ZNF430: variants seen among roughly 807,000 people sequenced by gnomAD.
ZNF430 encodes the protein zinc finger protein 430.
A neutral mutation model predicts 56.7 loss-of-function variants in ZNF430; 35 were observed. The observed-to-expected ratio is 0.62, with a 90% CI of 0.47 to 0.82. The LOEUF (loss-of-function observed/expected upper bound fraction) is 0.82, where lower values mean the gene tolerates loss of function less well. Ranked by LOEUF, ZNF430 falls within the 40% of genes least tolerant of loss-of-function variation. ZNF430 has a pLI of 0.00. For missense variants in ZNF430, 574 were observed against 661.0 expected (o/e 0.87, Z 1.44); for synonymous variants, 212 against 224.3 (o/e 0.94, Z 0.49).
chr19:21,056,712 A>T lies in ZNF430; in HGVS notation c.404A>T (p.Tyr135Phe). Residue 135 changes from tyrosine to phenylalanine, a missense_variant, in exon 5 of 5, where the codon TAT (tyrosine) becomes TTT (phenylalanine). Tyr to Phe is a conservative substitution (Grantham distance 22). This residue lies in a region of ZNF430 where 346 missense variants were observed against 399.1 expected (regional missense o/e 0.87). Coordinates refer to ENST00000261560, the MANE Select transcript of ZNF430 (RefSeq NM_025189.4). ...TTCCAAGAAGTCATATTGAGAAGATATGGAAAATGTGGACATGAAGATTTA... is the reference window on the plus strand; with the variant it reads ...TTCCAAGAAGTCATATTGAGAAGATTTGGAAAATGTGGACATGAAGATTTA... Reference protein sequence around the residue: ...DSFQEVILRRYGKCGHEDLQL... With the variant: ...DSFQEVILRRFGKCGHEDLQL... 1 of 1,609,454 alleles carries T rather than the reference A, an allele frequency of 6.2e-7. No individual in the cohort carries two copies. Among genetic ancestry groups the T allele is most frequent in the Non-Finnish European group, 8.5e-7 (1 of 1,177,574 alleles).
chr19:21,023,703 A>G (rs556190045), intron 2 of ZNF430, among the ~76,000 whole-genome samples: 13 of 152,262 alleles, frequency 8.5e-5, no homozygotes, highest in Admixed American at 7.8e-4. Flanking sequence ...TGAGTTACAT[A>G]CATTCATGAA....
rs1187644278 is a variant in ZNF430 at position 21,057,087 on chromosome 19, C to T, written c.779C>T (p.Pro260Leu). The T allele has an allele frequency of 1.2e-6, 2 of 1,614,052 alleles. No individual in the cohort carries two copies. Among genetic ancestry groups the T allele is most frequent in the Non-Finnish European group, 1.7e-6 (2 of 1,179,974 alleles). The stretch of plus-strand genomic sequence containing the variant: ...AGAAGAATTCATACTGGAGAGAAAC[C>T]CTACAAATGTGAACAATGTGGCAAA... ...RHRRIHTGEK[P>L]YKCEQCGKAF... Residue 260 changes from proline (P) to leucine (L), a missense_variant, in exon 5 of 5, where the codon CCC becomes CTC. This residue lies in a region of ZNF430 where 346 missense variants were observed against 399.1 expected (regional missense o/e 0.87). Coordinates refer to ENST00000261560, the MANE Select transcript of ZNF430 (RefSeq NM_025189.4).
chr19:21,047,147 G>A lies in ZNF430; in HGVS notation c.323-9484G>A, dbSNP rs545093884. ...CTCAGTTATTGATACTTGTGGTTGC[G>A]TTGTGAAGTTCTGATGCTGTGTTTT... On this transcript the variant is annotated intron_variant, in intron 4 of 4. Transcript: ENST00000261560. Among the ~76,000 whole-genome samples the A allele has an allele frequency of 1.6e-4, 24 of 152,244 alleles. No individual in the cohort carries two copies. The South Asian group carries it at 4.1e-3, about 26-fold the overall frequency.
Position 21,034,091 on chromosome 19 carries a change from A to T in ZNF430, c.229A>T (p.Ile77Phe). 1 of 1,611,982 alleles carries T rather than the reference A, an allele frequency of 6.2e-7. No individual in the cohort carries two copies. The highest frequency in any genetic ancestry group is 8.5e-7 in the Non-Finnish European group (1 of 1,178,154). ...NYRNLVFLAG[I>F]AVSKPDLITC... ...GTTATTTATTTTCAATAAAGCAGGT[A>T]TTGCTGTTTCTAAGCCAGACCTGAT... Residue 77 changes from isoleucine (I) to phenylalanine (F), a missense_variant, in exon 4 of 5, where the codon ATT becomes TTT. Physicochemically the swap from Ile to Phe is conservative, Grantham distance 21 (BLOSUM62 0). Around this residue, in one of 3 missense-constraint regions of ZNF430, gnomAD observed 346 missense variants for 399.1 expected, o/e 0.87. Transcript: ENST00000261560.
Position 21,058,107 on chromosome 19 carries a change from G to T in ZNF430, c.*86G>T. On this transcript the variant is annotated 3_prime_UTR_variant, in exon 5 of 5. Coordinates refer to ENST00000261560, the MANE Select transcript of ZNF430 (RefSeq NM_025189.4). Reference sequence around the variant, plus strand: ...TGAAGAGGAACCCTATGAGTGTGAAGAATATGGCAAAGCCTTCAACAAGTC... The same window carrying T: ...TGAAGAGGAACCCTATGAGTGTGAATAATATGGCAAAGCCTTCAACAAGTC... 7.9e-7 allele frequency: 1 copy of T among 1,273,708 alleles called. No individual in the cohort carries two copies. The highest frequency in any genetic ancestry group is 1.5e-5 in the South Asian group (1 of 68,058). 78.9% of individuals were successfully genotyped at this position (1,273,708 alleles called of 1,614,324 possible). A position where few individuals can be genotyped will look rare whatever the true frequency, so the allele number is the denominator to read the frequency against.
At chr19:21,033,640 T>C (rs1242434337) in intron 3 of ZNF430, 58 bp downstream of exon 3, 1 of 1,498,888 alleles carries the variant, frequency 6.7e-7, no homozygotes, top group African/African-American at 1.4e-5. Context: ...ATTTCTCATT[T>C]TTTGAGAATA....
intron 4 of ZNF430, among the ~76,000 whole-genome samples, chr19:21,043,973 T>C (rs535152533): frequency 1.6e-4 from 13 of 80,426 alleles, no homozygotes; most frequent in Non-Finnish European, 4.3e-4. Context: ...AAGCTTCTTA[T>C]TAGCTGAAGA....
intron 4 of ZNF430, among the ~76,000 whole-genome samples, chr19:21,050,531 T>C (rs1016765367): frequency 3.9e-5 from 6 of 152,236 alleles, no homozygotes; most frequent in African/African-American, 1.2e-4. Flanking sequence ...TTGTTGTGAG[T>C]GGTTGTTCAA....
intron 2 of ZNF430, among the ~76,000 whole-genome samples, chr19:21,023,470 C>G (rs1015212274): frequency 6.6e-6 from 1 of 152,160 alleles, no homozygotes; most frequent in Non-Finnish European, 1.5e-5. Context: ...AAAATAGTAT[C>G]TAATAATATA....
chr19:21,032,760 G>A (rs1967926303), intron 2 of ZNF430, among the ~76,000 whole-genome samples: 2 of 151,872 alleles, frequency 1.3e-5, no homozygotes, highest in African/African-American at 4.8e-5. Flanking sequence ...AAATTTAGAA[G>A]TTCAGACTTT....
At chr19:21,042,883 T>G (rs1160897994) in intron 4 of ZNF430, among the ~76,000 whole-genome samples, 5 of 152,216 alleles carry the variant, frequency 3.3e-5, no homozygotes. Context: ...TAACGATCCC[T>G]GATGTTGAGC....
chr19:21,048,986 A>T (rs1968232988), intron 4 of ZNF430, among the ~76,000 whole-genome samples: 1 of 152,244 alleles, frequency 6.6e-6, no homozygotes, highest in South Asian at 2.1e-4. Context: ...ACCTGAGGTC[A>T]GGAGTTTGAG....
intron 4 of ZNF430, chr19:21,049,640 GCAACA>G (rs1295483001): frequency 2.0e-5 from 3 of 148,694 alleles, no homozygotes; most frequent in Non-Finnish European, 4.5e-5. Flanking sequence ...TACATTTCGT[GCAACA>G]TTTCTTGTTA....
chr19:21,058,370 G>C lies in ZNF430; in HGVS notation c.*349G>C. On this transcript the variant is annotated 3_prime_UTR_variant, in exon 5 of 5. Transcript: ENST00000261560. ...GAGGCAGGAGAATTGCTTGAACCCG[G>C]GAGGCAGAGGTTGAAGTGAGCTGAG... 1 of 197,374 alleles carries C rather than the reference G, an allele frequency of 5.1e-6. No homozygotes were observed. Among genetic ancestry groups the C allele is most frequent in the Non-Finnish European group, 1.0e-5 (1 of 95,696 alleles). The allele number at this position is 197,374 out of a possible 1,614,324, so 12.2% of individuals were successfully genotyped here. A position where few individuals can be genotyped will look rare whatever the true frequency, so the allele number is the denominator to read the frequency against.
rs779831919 is a variant in ZNF430, at chr19:21,058,100, G to A, written c.*79G>A. ...TTCATACTGAAGAGGAACCCTATGAGTGTGAAGAATATGGCAAAGCCTTCA... is the reference window on the plus strand; with the variant it reads ...TTCATACTGAAGAGGAACCCTATGAATGTGAAGAATATGGCAAAGCCTTCA... On this transcript the variant is annotated 3_prime_UTR_variant, in exon 5 of 5. Coordinates refer to ENST00000261560, the MANE Select transcript of ZNF430 (RefSeq NM_025189.4). 7.6e-7 allele frequency: 1 copy of A among 1,321,624 alleles called. No homozygotes were observed. Among genetic ancestry groups the A allele is most frequent in the Non-Finnish European group, 1.0e-6 (1 of 965,280 alleles). 81.9% of individuals were successfully genotyped at this position (1,321,624 alleles called of 1,614,324 possible).
At chr19:21,056,446 G>A (rs113683486) in intron 4 of ZNF430, among the ~76,000 whole-genome samples, 185 bp from the exon 5 acceptor site, 2,284 of 150,302 alleles carry the variant, frequency 0.015, 64 homozygotes, top group African/African-American at 0.054. Flanking sequence ...CAGAGATCAC[G>A]CCATTGCACT....
chr19:21,042,841 G>T (rs1254694455), intron 4 of ZNF430, among the ~76,000 whole-genome samples: 2 of 151,920 alleles, frequency 1.3e-5, no homozygotes, highest in Non-Finnish European at 2.9e-5. Context: ...GCATAAGATG[G>T]TATGTAATTC....
chr19:21,027,800 T>C (rs1967831223), intron 2 of ZNF430, among the ~76,000 whole-genome samples: 1 of 152,202 alleles, frequency 6.6e-6, no homozygotes, highest in South Asian at 2.1e-4. Context: ...GGCTATTTCT[T>C]ACTAATTCAA....
rs1968429559 is a variant in ZNF430, at chr19:21,059,227, CAG to C, written c.*1209_*1210del. 1 of 151,950 alleles carries C rather than the reference CAG, an allele frequency of 6.6e-6. No homozygotes were observed. The highest frequency in any genetic ancestry group is 2.4e-5 in the African/African-American group (1 of 41,376). The allele number at this position is 151,950 out of a possible 1,614,324, so 9.4% of individuals were successfully genotyped here. On this transcript the variant is annotated 3_prime_UTR_variant, in exon 5 of 5. Coordinates refer to ENST00000261560, the MANE Select transcript of ZNF430 (RefSeq NM_025189.4). ...TGAGACTTCAGATATTATACTAAAT[CAG>C]AGTGCTGAGTATAGAAAATAAAACT...
Sources: gnomAD v4.1 joint callset for allele counts (sites outside exome capture counted in the v4.1 genomes callset) on GRCh38, gnomAD v4.1.1 for gene constraint, gnomAD v4.1.1 regional missense constraint, MANE v1.5 for transcripts, NCBI Gene and HGNC (gene_info 2026-07-23, HGNC 2026-07-21) for gene names.